LAMP1: variants seen among roughly 807,000 people sequenced by gnomAD.
The protein encoded by LAMP1 is lysosome associated membrane protein 1.
In LAMP1, 7 loss-of-function variants were observed where a neutral mutation model predicts 37.5. The observed-to-expected ratio is 0.19, with a 90% CI of 0.11 to 0.35. LAMP1 has a LOEUF of 0.35. LAMP1 is among the 10% of genes least tolerant of loss of function. The pLI is 1.00. For missense variants in LAMP1, 537 were observed against 552.8 expected (o/e 0.97, Z 0.29); for synonymous variants, 236 against 229.1 (o/e 1.03, Z -0.27).
Position 113,322,456 on chromosome 13 carries a change from T to C in LAMP1, c.*35T>C. 1 of 1,571,944 alleles carries C rather than the reference T, an allele frequency of 6.4e-7. No homozygotes were observed. The highest frequency in any genetic ancestry group is 8.7e-7 in the Non-Finnish European group (1 of 1,153,428). ...CGCAGGCACAGCAGCTGCAGGGGCC[T>C]CTGTTCCTTTCTCTGGGCTTAGGGT... On this transcript the variant is annotated 3_prime_UTR_variant, in exon 9 of 9. Transcript: ENST00000332556.
At chr13:113,301,162 A>T (rs1329782223) in intron 1 of LAMP1, among the ~76,000 whole-genome samples, 1 of 151,866 alleles carries the variant, frequency 6.6e-6, no homozygotes, top group Non-Finnish European at 1.5e-5. Context: ...TCTCAACCAA[A>T]CATATGCACG....
chr13:113,315,007 A>T (rs1289738460), intron 4 of LAMP1, among the ~76,000 whole-genome samples: 4 of 97,632 alleles, frequency 4.1e-5, no homozygotes, highest in Admixed American at 1.2e-4. Context: ...GTCAGTGTGG[A>T]GATGCCCGTG....
intron 4 of LAMP1, among the ~76,000 whole-genome samples, chr13:113,312,258 T>C (rs1307466718): frequency 2.6e-5 from 4 of 152,210 alleles, no homozygotes; most frequent in Non-Finnish European, 5.9e-5. Context: ...TTTCGATTTA[T>C]AAATGTAACA....
At chr13:113,300,240 G>A (rs1332314315) in intron 1 of LAMP1, among the ~76,000 whole-genome samples, 1 of 152,194 alleles carries the variant, frequency 6.6e-6, no homozygotes, top group Non-Finnish European at 1.5e-5. Flanking sequence ...CAGCACTTTG[G>A]GAGGCCCAGG....
At chr13:113,302,224 G>T (rs139662529) in intron 1 of LAMP1, among the ~76,000 whole-genome samples, 124 of 151,488 alleles carry the variant, frequency 8.2e-4, no homozygotes, top group Middle Eastern at 3.4e-3. Flanking sequence ...TCTTTATGTT[G>T]TCCAGTCTGG....
intron 4 of LAMP1, among the ~76,000 whole-genome samples, chr13:113,313,719 A>G (rs1290044166): frequency 1.8e-5 from 2 of 108,198 alleles, no homozygotes; most frequent in Non-Finnish European, 3.6e-5. Flanking sequence ...TGGAGATGTC[A>G]GTGTGCCTGG....
rs868027084 is a variant in LAMP1, at chr13:113,310,787, TCCA to T, written c.484_486del (p.His162del). On this transcript the variant is annotated inframe_deletion, in exon 4 of 9. Transcript: ENST00000332556. ...TACAGATGTGTTAGTGGCACCCAGGTCCACATGAACAACGTGACCGTAACGCTC... is the reference window on the plus strand; with the variant it reads ...TACAGATGTGTTAGTGGCACCCAGGTCATGAACAACGTGACCGTAACGCTC... The T allele has an allele frequency of 1.2e-6, 2 of 1,613,306 alleles. No homozygotes were observed. Among genetic ancestry groups the T allele is most frequent in the African/African-American group, 2.7e-5 (2 of 74,854 alleles).
chr13:113,318,908 C>T (rs375820487), intron 4 of LAMP1, among the ~76,000 whole-genome samples: 3 of 152,134 alleles, frequency 2.0e-5, no homozygotes, highest in African/African-American at 7.2e-5. Flanking sequence ...GCCAGAGGGC[C>T]TCCTTGGCTG....
chr13:113,315,445 G>A (rs1160299338), intron 4 of LAMP1, among the ~76,000 whole-genome samples: 5 of 144,596 alleles, frequency 3.5e-5, no homozygotes, highest in African/African-American at 7.6e-5. Context: ...GCTGGAGTGC[G>A]GTGGTGCCAT....
In LAMP1 at chr13:113,320,369, A is replaced by C; in HGVS notation, c.775A>C (p.Asn259His). The change falls in exon 6 of 9, where the codon AAC (asparagine) becomes CAC (histidine). Residue 259 changes from asparagine to histidine, a missense_variant. Transcript: ENST00000332556. The surrounding 1 kb of genome is among the most constrained non-coding windows in gnomAD (Gnocchi z 4.4). ...GACGGTGACAAGGCTTCTCAACATCAACCCCAACAAGACCTCGGCCAGCGG... is the reference window on the plus strand; with the variant it reads ...GACGGTGACAAGGCTTCTCAACATCCACCCCAACAAGACCTCGGCCAGCGG... ...NTTVTRLLNI[N>H]PNKTSASGSC... 1 of 1,613,944 alleles carries C rather than the reference A, an allele frequency of 6.2e-7. No homozygotes were observed.
At chr13:113,306,834 C>CTTTTTTTTTT (rs780041684) in intron 2 of LAMP1, among the ~76,000 whole-genome samples, 1,600 of 80,156 alleles carry the variant, frequency 0.02, 280 homozygotes, top group Middle Eastern at 0.077. Flanking sequence ...GAACATTTTC[C>CTTTTTTTTTT]TTTTTTTTTT....
chr13:113,301,970 C>T (rs1253002739), intron 1 of LAMP1, among the ~76,000 whole-genome samples: 1 of 147,456 alleles, frequency 6.8e-6, no homozygotes, highest in Non-Finnish European at 1.5e-5. Flanking sequence ...TCACGCCATT[C>T]TCCTGCCTCA....
chr13:113,317,479 GCTT>G (rs1219320714), intron 4 of LAMP1, among the ~76,000 whole-genome samples: 2 of 152,140 alleles, frequency 1.3e-5, no homozygotes, highest in East Asian at 3.8e-4. Flanking sequence ...TGTGTTTCCA[GCTT>G]CTTGTGACCA....
In LAMP1 at chr13:113,306,989, G is replaced by A. The variant is rs1373374502; in HGVS notation, c.183+383G>A. The stretch of plus-strand genomic sequence containing the variant: ...CCAGTAGCTGGGGCTACAGGCGCTC[G>A]CCACCACGCACAGCTAATATTTTGT... On this transcript the variant is annotated intron_variant, in intron 2 of 8. Transcript: ENST00000332556. Among the ~76,000 whole-genome samples the A allele has an allele frequency of 1.5e-4, 23 of 150,012 alleles. 1 individual carries two copies. The highest frequency in any genetic ancestry group is 5.2e-4 in the African/African-American group (21 of 40,774).
rs2042717384 is a variant in LAMP1, at chr13:113,323,280, G to C, written c.*859G>C. On this transcript the variant is annotated 3_prime_UTR_variant, in exon 9 of 9. Transcript: ENST00000332556. ...GTAAAGTGATTTTTGGTCTTCTGTTGACATTCGGGGTGATCCTGTTCTGCG... is the reference window on the plus strand; with the variant it reads ...GTAAAGTGATTTTTGGTCTTCTGTTCACATTCGGGGTGATCCTGTTCTGCG... The C allele has an allele frequency of 6.6e-6, 1 of 151,946 alleles. No individual in the cohort carries two copies. The highest frequency in any genetic ancestry group is 1.5e-5 in the Non-Finnish European group (1 of 68,034). 9.4% of individuals were successfully genotyped at this position (151,946 alleles called of 1,614,324 possible). A position where few individuals can be genotyped will look rare whatever the true frequency, so the allele number is the denominator to read the frequency against.
chr13:113,309,566 C>A, intron 2 of LAMP1, 77 bp from the exon 3 acceptor site: 3 of 1,115,240 alleles, frequency 2.7e-6, no homozygotes, highest in Non-Finnish European at 3.9e-6. Flanking sequence ...TTATATCAGA[C>A]TTACAGAAAA....
At position 113,323,251 on chromosome 13, in the gene LAMP1, A is replaced by ATT. The variant is rs3833987; in HGVS notation, c.*832_*833dup. 2 of 152,090 alleles carry ATT rather than the reference A, an allele frequency of 1.3e-5. No homozygotes were observed. Among genetic ancestry groups the ATT allele is most frequent in the African/African-American group, 4.8e-5 (2 of 41,402 alleles). The allele number at this position is 152,090 out of a possible 1,614,324, so 9.4% of individuals were successfully genotyped here. ...AAAAATGGGTGTTATTTTTATTTTT[A>ATT]TTTGTAAAGTGATTTTTGGTCTTCT... is the stretch of plus-strand genomic sequence containing the variant. On this transcript the variant is annotated 3_prime_UTR_variant, in exon 9 of 9. Coordinates refer to ENST00000332556, the MANE Select transcript of LAMP1 (RefSeq NM_005561.4).
intron 1 of LAMP1, 113 bp from the exon 2 acceptor site, chr13:113,306,372 A>C: frequency 1.6e-6 from 2 of 1,216,952 alleles, no homozygotes; most frequent in Non-Finnish European, 2.3e-6. Flanking sequence ...AAAAAGAGAA[A>C]CAGTGGAATC....
intron 4 of LAMP1, among the ~76,000 whole-genome samples, chr13:113,313,334 C>G (rs767734047): frequency 6.6e-6 from 1 of 152,370 alleles, no homozygotes; most frequent in East Asian, 1.9e-4. Flanking sequence ...TTAAGATAGA[C>G]TATTTTTTAG....
Sources: gnomAD v4.1 joint callset for allele counts (sites outside exome capture counted in the v4.1 genomes callset) on GRCh38, gnomAD v4.1.1 for gene constraint, Gnocchi (gnomAD v3.1) non-coding constraint, MANE v1.5 for transcripts, NCBI Gene and HGNC (gene_info 2026-07-23, HGNC 2026-07-21) for gene names.